Variants in CDH6 observed in about 807,000 individuals in gnomAD.
CDH6 encodes the protein cadherin 6, also known as cadherin-6.
In CDH6, 31 loss-of-function variants were observed where a neutral mutation model predicts 78.0. That is an observed-to-expected ratio of 0.40 (90% confidence interval 0.30 to 0.54). The LOEUF is 0.54. CDH6 is among the 20% of genes least tolerant of loss of function. The pLI, the probability that CDH6 is intolerant of heterozygous loss-of-function variation, is 0.56. For synonymous variants in CDH6, 376 were observed against 368.8 expected, an observed-to-expected ratio of 1.02 and a Z score of -0.23; for missense variants, 724 against 975.9, an observed-to-expected ratio of 0.74 and a Z score of 3.44.
chr5:31,280,389 G>T (rs1742828410), intron 2 of CDH6, among the ~76,000 whole-genome samples: 1 of 152,086 alleles, frequency 6.6e-6, no homozygotes, highest in South Asian at 2.1e-4. Flanking sequence ...TTTCTCAGGG[G>T]ATCCACATAA....
intron 1 of CDH6, among the ~76,000 whole-genome samples, chr5:31,232,988 T>A (rs1277656421): frequency 6.6e-6 from 1 of 152,154 alleles, no homozygotes; most frequent in African/African-American, 2.4e-5. Context: ...AGAGCTAGAA[T>A]ATGGAAGAGC....
intron 2 of CDH6, among the ~76,000 whole-genome samples, chr5:31,289,930 C>T (rs1199623785): frequency 6.6e-6 from 1 of 151,976 alleles, no homozygotes; most frequent in Non-Finnish European, 1.5e-5. Flanking sequence ...CATCTACAAC[C>T]AAAATCCCTG....
chr5:31,319,348 T>A (rs637161), intron 11 of CDH6, among the ~76,000 whole-genome samples: 2,083 of 152,342 alleles, frequency 0.014, 52 homozygotes, highest in African/African-American at 0.047. Flanking sequence ...CTCTTTGGAA[T>A]TCTGTACCTA....
chr5:31,270,909 C>G (rs1561051913), intron 2 of CDH6, among the ~76,000 whole-genome samples: 1 of 152,072 alleles, frequency 6.6e-6, no homozygotes, highest in Non-Finnish European at 1.5e-5. Flanking sequence ...CCCTGCAATC[C>G]AGGTTGCCTC....
intron 1 of CDH6, among the ~76,000 whole-genome samples, chr5:31,214,818 C>T (rs1364479160): frequency 1.3e-5 from 2 of 152,110 alleles, no homozygotes; most frequent in African/African-American, 4.8e-5. Context: ...AATGTTTGAA[C>T]CTTCGATGTA....
chr5:31,303,509 AT>A (rs1402599013), intron 6 of CDH6, among the ~76,000 whole-genome samples: 1 of 152,054 alleles, frequency 6.6e-6, no homozygotes. Flanking sequence ...TCTGATTTCT[AT>A]TTTTTTCCAA....
chr5:31,327,541 T>C lies in CDH6; in HGVS notation c.*4233T>C, dbSNP rs1320329895. The C allele has an allele frequency of 1.0e-5, 2 of 193,546 alleles. No homozygotes were observed. The highest frequency in any genetic ancestry group is 1.6e-4 in the East Asian group (2 of 12,292). The allele number at this position is 193,546 out of a possible 1,614,324, so 12.0% of individuals were successfully genotyped here. A position where few individuals can be genotyped will look rare whatever the true frequency, so the allele number is the denominator to read the frequency against. ...TCAAAAATCCAAGCAGTCTACTGTG[T>C]TTAAATTAACACCACAACCTTCCTT... On this transcript the variant is annotated 3_prime_UTR_variant, in exon 12 of 12. Transcript: ENST00000265071.
chr5:31,246,840 C>T (rs1280083250), intron 1 of CDH6, among the ~76,000 whole-genome samples: 1 of 152,200 alleles, frequency 6.6e-6, no homozygotes, highest in East Asian at 1.9e-4. Flanking sequence ...ACTGCAACCT[C>T]TGCCTCCCAG....
chr5:31,265,771 T>TG (rs991794310), intron 1 of CDH6, among the ~76,000 whole-genome samples: 6 of 127,986 alleles, frequency 4.7e-5, no homozygotes, highest in African/African-American at 1.5e-4. Context: ...AAGACAATGT[T>TG]TTTTTTTTTT....
Position 31,327,298 on chromosome 5 carries a change from A to G in CDH6, c.*3990A>G, listed in dbSNP as rs958287254. On this transcript the variant is annotated 3_prime_UTR_variant, in exon 12 of 12. Coordinates refer to ENST00000265071, the MANE Select transcript of CDH6 (RefSeq NM_004932.4). Reference sequence around the variant, plus strand: ...ATCAGGTACTCATCCTTATCAGCTAAATTCATTTTCACCAGGAACAGACCA... The same window carrying G: ...ATCAGGTACTCATCCTTATCAGCTAGATTCATTTTCACCAGGAACAGACCA... The G allele has an allele frequency of 5.3e-6, 1 of 190,404 alleles. No individual in the cohort carries two copies. The allele number at this position is 190,404 out of a possible 1,614,324, so 11.8% of individuals were successfully genotyped here.
chr5:31,250,655 G>C (rs1012519621), intron 1 of CDH6: 1 of 152,430 alleles, frequency 6.6e-6, no homozygotes, highest in Admixed American at 6.5e-5. Context: ...CAGGGAACTG[G>C]TCAGCAAGAC....
At chr5:31,252,652 T>C (rs1053300786) in intron 1 of CDH6, among the ~76,000 whole-genome samples, 1 of 152,138 alleles carries the variant, frequency 6.6e-6, no homozygotes, top group Non-Finnish European at 1.5e-5. Flanking sequence ...TCCTGTCAAA[T>C]GAAATAAATA....
intron 2 of CDH6, among the ~76,000 whole-genome samples, chr5:31,276,320 A>C (rs772396696): frequency 1.3e-5 from 2 of 152,214 alleles, no homozygotes; most frequent in African/African-American, 4.8e-5. Flanking sequence ...TGTGACCTGG[A>C]ATAAGAAGCA....
At position 31,305,205 on chromosome 5, in the gene CDH6, C is replaced by G. The variant is rs1176808502; in HGVS notation, c.1031C>G (p.Thr344Ser). The G allele has an allele frequency of 1.5e-5, 24 of 1,613,902 alleles. No homozygotes were observed. The highest frequency in any genetic ancestry group is 2.0e-5 in the Non-Finnish European group (24 of 1,179,922). Residue 344 changes from threonine to serine, a missense_variant, in exon 7 of 12, where the codon ACC (threonine) becomes AGC (serine). By Grantham distance (58) the Thr-to-Ser change is moderately conservative. This residue lies in a region of CDH6 where 446 missense variants were observed against 684.5 expected (regional missense o/e 0.65). Coordinates refer to ENST00000265071, the MANE Select transcript of CDH6 (RefSeq NM_004932.4). ...LLDFEKKKVY[T>S]LKVEASNPYV... ...GACTTTGAAAAGAAGAAAGTGTATACCCTTAAAGTGGAAGCCTCCAATCCT... is the reference window on the plus strand; with the variant it reads ...GACTTTGAAAAGAAGAAAGTGTATAGCCTTAAAGTGGAAGCCTCCAATCCT...
intron 11 of CDH6, among the ~76,000 whole-genome samples, chr5:31,320,611 C>A (rs190641601): frequency 6.6e-6 from 1 of 152,142 alleles, no homozygotes; most frequent in African/African-American, 2.4e-5. Flanking sequence ...TCATGAGCAT[C>A]CCTCTGCCCA....
intron 6 of CDH6, among the ~76,000 whole-genome samples, chr5:31,302,933 AAGAAAGAAAGAAAG>A (rs1426636187): frequency 1.5e-4 from 20 of 129,772 alleles, no homozygotes; most frequent in African/African-American, 5.1e-4. Flanking sequence ...GAAAGAAAGA[AAGAAAGAAAGAAAG>A]AAAGAAAGAA....
At position 31,324,765 on chromosome 5, in the gene CDH6, C is replaced by T. The variant is rs1040493396; in HGVS notation, c.*1457C>T. On this transcript the variant is annotated 3_prime_UTR_variant, in exon 12 of 12. Transcript: ENST00000265071. ...CATAGTTATTATCCAGAGGACCCAA[C>T]TGAACTGAACTAATCCTTCTGGCAG... 9.7e-6 allele frequency: 2 copies of T among 206,806 alleles called. No individual in the cohort carries two copies. Among genetic ancestry groups the T allele is most frequent in the Non-Finnish European group, 2.0e-5 (2 of 101,436 alleles). The allele number at this position is 206,806 out of a possible 1,614,324, so 12.8% of individuals were successfully genotyped here.
intron 5 of CDH6, 88 bp downstream of exon 5, chr5:31,299,719 T>C: frequency 8.5e-7 from 1 of 1,179,688 alleles, no homozygotes; most frequent in Non-Finnish European, 1.2e-6. Flanking sequence ...GTCATCATTA[T>C]TGTCAAAGTT....
intron 1 of CDH6, among the ~76,000 whole-genome samples, chr5:31,244,132 G>T (rs777184917): frequency 2.4e-4 from 36 of 152,066 alleles, no homozygotes; most frequent in Admixed American, 1.2e-3. Context: ...GGAAGTATTT[G>T]CCTATTTTTC....
Sources: gnomAD v4.1 joint callset for allele counts (sites outside exome capture counted in the v4.1 genomes callset) on GRCh38, gnomAD v4.1.1 for gene constraint, gnomAD v4.1.1 regional missense constraint, MANE v1.5 for transcripts, NCBI Gene and HGNC (gene_info 2026-07-23, HGNC 2026-07-21) for gene names.